KCNH8: variants seen among roughly 807,000 people sequenced by gnomAD.
KCNH8 encodes potassium voltage-gated channel subfamily H member 8, also known as voltage-gated delayed rectifier potassium channel KCNH8.
KCNH8 carries 70 observed loss-of-function variants against 103.6 expected under a neutral mutation model. That is an observed-to-expected ratio of 0.68 (90% CI 0.56 to 0.82). The LOEUF is 0.82. Among genes scored for constraint, KCNH8 ranks in the 40% least tolerant of loss-of-function variants. KCNH8 has a pLI of 0.00. For synonymous variants in KCNH8, 498 were observed against 489.4 expected (o/e 1.02, Z -0.23); for missense variants, 1,217 against 1,329.9 (o/e 0.92, Z 1.32).
At chr3:19,312,050 A>G (rs766378931) in intron 3 of KCNH8, among the ~76,000 whole-genome samples, 1 of 151,890 alleles carries the variant, frequency 6.6e-6, no homozygotes, top group Non-Finnish European at 1.5e-5. Context: ...TTGCACTTAT[A>G]TATTATGTAA....
chr3:19,458,492 A>C (rs1314093390), intron 11 of KCNH8, among the ~76,000 whole-genome samples: 2 of 151,948 alleles, frequency 1.3e-5, no homozygotes, highest in Non-Finnish European at 2.9e-5. Flanking sequence ...TCTTTTTAAA[A>C]AATTCGTGGC....
At chr3:19,201,619 A>G (rs1296857385) in intron 1 of KCNH8, among the ~76,000 whole-genome samples, 2 of 152,074 alleles carry the variant, frequency 1.3e-5, no homozygotes, top group East Asian at 3.9e-4. Flanking sequence ...TATGACCTTA[A>G]TGAATGCCCT....
rs76354213 is a variant in KCNH8, at chr3:19,235,080, A to G, written c.77-18574A>G. On this transcript the variant is annotated intron_variant, in intron 1 of 15. Transcript: ENST00000328405. ...TTGGTTTTTATTTAGAAGTTTGGTG[A>G]CGTTAGGAGAAATGTGCCATAGGAA... 4.3e-3 allele frequency among the ~76,000 whole-genome samples: 650 copies of G among 152,294 alleles called. 2 individuals carry two copies. Among genetic ancestry groups the G allele is most frequent in the Middle Eastern group, 0.01 (3 of 294 alleles).
At chr3:19,318,283 T>TA (rs1011247191) in intron 3 of KCNH8, among the ~76,000 whole-genome samples, 3 of 151,826 alleles carry the variant, frequency 2.0e-5, no homozygotes, top group Admixed American at 6.6e-5. Flanking sequence ...TATTTTATTT[T>TA]ATTTATTTCA....
At chr3:19,155,812 T>C (rs2063175795) in intron 1 of KCNH8, among the ~76,000 whole-genome samples, 1 of 152,194 alleles carries the variant, frequency 6.6e-6, no homozygotes, top group South Asian at 2.1e-4. Flanking sequence ...GCCTTGCCCA[T>C]TCCTCTAATC....
intron 3 of KCNH8, among the ~76,000 whole-genome samples, chr3:19,314,614 A>C (rs2065249928): frequency 1.3e-5 from 2 of 151,948 alleles, no homozygotes; most frequent in Non-Finnish European, 1.5e-5. Context: ...AAAACCCCAC[A>C]GTACTTAACT....
intron 9 of KCNH8, 126 bp from the exon 10 acceptor site, chr3:19,451,029 C>T: frequency 1.2e-6 from 1 of 844,438 alleles, no homozygotes. Flanking sequence ...CTTAGATTTC[C>T]TCTTCTGTAT....
At chr3:19,169,146 G>T (rs1559405908) in intron 1 of KCNH8, among the ~76,000 whole-genome samples, 1 of 151,834 alleles carries the variant, frequency 6.6e-6, no homozygotes. Flanking sequence ...TGGAGCCAGT[G>T]CTTTCCTTCC....
intron 7 of KCNH8, among the ~76,000 whole-genome samples, chr3:19,395,957 T>G (rs557083091): frequency 4.6e-5 from 7 of 152,188 alleles, no homozygotes; most frequent in African/African-American, 1.7e-4. Flanking sequence ...GGAAACACTA[T>G]GCACATGAAC....
At chr3:19,403,501 GA>G (rs1422962509) in intron 7 of KCNH8, among the ~76,000 whole-genome samples, 4 of 149,972 alleles carry the variant, frequency 2.7e-5, no homozygotes, top group Non-Finnish European at 5.9e-5. Flanking sequence ...ATTTTATTGT[GA>G]AAAATAATTA....
At position 19,497,122 on chromosome 3, in the gene KCNH8, T is replaced by C. The variant is rs140948384; in HGVS notation, c.2041-13241T>C. ...TCCCCTTTGTTATTTCTAATTGTGTTTATTTGGCTCTTCTCTCTTCTTTCC... is the reference window on the plus strand; with the variant it reads ...TCCCCTTTGTTATTTCTAATTGTGTCTATTTGGCTCTTCTCTCTTCTTTCC... On this transcript the variant is annotated intron_variant, in intron 11 of 15. Coordinates refer to ENST00000328405, the MANE Select transcript of KCNH8 (RefSeq NM_144633.3). Among the ~76,000 whole-genome samples, 434 of 152,260 alleles carry C rather than the reference T, an allele frequency of 2.9e-3. 7 individuals are homozygous for C. Among genetic ancestry groups the C allele is most frequent in the African/African-American group, 9.9e-3 (412 of 41,574 alleles).
intron 1 of KCNH8, among the ~76,000 whole-genome samples, chr3:19,208,196 A>C (rs146308791): frequency 2.3e-4 from 35 of 152,132 alleles, no homozygotes; most frequent in Non-Finnish European, 4.1e-4. Flanking sequence ...TCTTCTTGTC[A>C]ATGTTGGGAA....
At chr3:19,387,892 T>G (rs2066379232) in intron 5 of KCNH8, among the ~76,000 whole-genome samples, 5 of 152,132 alleles carry the variant, frequency 3.3e-5, no homozygotes, top group Admixed American at 3.3e-4. Flanking sequence ...AAAAAGCTCT[T>G]TAAACGAATA....
chr3:19,173,162 G>A (rs2063364145), intron 1 of KCNH8, among the ~76,000 whole-genome samples: 2 of 149,534 alleles, frequency 1.3e-5, no homozygotes, highest in African/African-American at 2.6e-5. Flanking sequence ...GAGAGATCCT[G>A]GCATCTCATT....
At chr3:19,425,657 T>C (rs1218033794) in intron 7 of KCNH8, among the ~76,000 whole-genome samples, 1 of 152,126 alleles carries the variant, frequency 6.6e-6, no homozygotes, top group Non-Finnish European at 1.5e-5. Flanking sequence ...GGGAACAGGA[T>C]GTGAGAACAG....
At chr3:19,480,178 T>A (rs768759532) in intron 11 of KCNH8, among the ~76,000 whole-genome samples, 25 of 152,198 alleles carry the variant, frequency 1.6e-4, no homozygotes, top group Non-Finnish European at 3.1e-4. Flanking sequence ...AGATTACAGT[T>A]TAGGTTTCAT....
intron 5 of KCNH8, among the ~76,000 whole-genome samples, chr3:19,374,157 G>T (rs949257739): frequency 1.3e-5 from 2 of 150,218 alleles, no homozygotes; most frequent in Non-Finnish European, 3.0e-5. Flanking sequence ...CAATTCCTGG[G>T]TATCCTTGTT....
At chr3:19,287,876 G>C (rs549409450) in intron 3 of KCNH8, among the ~76,000 whole-genome samples, 3 of 152,224 alleles carry the variant, frequency 2.0e-5, no homozygotes, top group Admixed American at 1.3e-4. Context: ...AAGCCACCAT[G>C]CCCAGCCCCA....
At chr3:19,336,900 C>G (rs2065592003) in intron 3 of KCNH8, among the ~76,000 whole-genome samples, 1 of 151,798 alleles carries the variant, frequency 6.6e-6, no homozygotes, top group African/African-American at 2.4e-5. Context: ...GAAATAAAAC[C>G]TAAAATGACA....
Sources: gnomAD v4.1 joint callset for allele counts (sites outside exome capture counted in the v4.1 genomes callset) on GRCh38, gnomAD v4.1.1 for gene constraint, MANE v1.5 for transcripts, NCBI Gene and HGNC (gene_info 2026-07-23, HGNC 2026-07-21) for gene names.